The following DOCK11 variants were observed in gnomAD, a reference collection of about 807,000 sequenced individuals.
The protein encoded by DOCK11 is dedicator of cytokinesis 11.
DOCK11 carries 70 observed loss-of-function variants against 169.1 expected under a neutral mutation model. The observed-to-expected ratio is 0.41, with a 90% CI of 0.34 to 0.51. The LOEUF is 0.51. DOCK11 is among the 20% of genes least tolerant of loss of function. The pLI, the probability that DOCK11 is intolerant of heterozygous loss-of-function variation, is 0.10. For missense variants in DOCK11, 1,166 were observed against 1,538.8 expected (o/e 0.76, Z 4.05); for synonymous variants, 529 against 541.3 (o/e 0.98, Z 0.32).
rs768433392 is a variant in DOCK11 at position 118,675,919 on chromosome X, A to G, written c.5200-17A>G. ...TAAACAAAAAACAAAGCTGATTTGT[A>G]TATTTTTATTTTTCAGAAACTTACT... On this transcript the variant is annotated splice_polypyrimidine_tract_variant and intron_variant, in intron 46 of 52. Transcript: ENST00000276202. 57 of 993,510 alleles carry G rather than the reference A, an allele frequency of 5.7e-5. No individual in the cohort carries two copies. Among genetic ancestry groups the G allele is most frequent in the Middle Eastern group, 3.5e-4 (1 of 2,849 alleles). The allele number at this position is 993,510 out of a possible 1,213,427, so 81.9% of individuals were successfully genotyped here.
chrX:118,504,928 C>G (rs906213730), intron 1 of DOCK11, among the ~76,000 whole-genome samples: 1 of 112,715 alleles, frequency 8.9e-6, no homozygotes, highest in South Asian at 3.6e-4. Flanking sequence ...TGCCCAGGTT[C>G]AGAGTTCAGC....
chrX:118,547,854 TTTTTGAC>T (rs748016895), intron 6 of DOCK11, among the ~76,000 whole-genome samples: 33 of 112,156 alleles, frequency 2.9e-4, no homozygotes, highest in Non-Finnish European at 1.1e-4. Flanking sequence ...GGTTGTATCG[TTTTTGAC>T]TGCATTCCCT....
In DOCK11 at chrX:118,593,246, A is replaced by G; in HGVS notation, c.2172A>G (p.Gln724=). 8.3e-7 allele frequency: 1 copy of G among 1,205,432 alleles called. No individual in the cohort carries two copies. The highest frequency in any genetic ancestry group is 1.1e-6 in the Non-Finnish European group (1 of 892,674). Residue 724 remains glutamine (Q), a synonymous_variant, in exon 20 of 53, where the codon CAA becomes CAG. Coordinates refer to ENST00000276202, the MANE Select transcript of DOCK11 (RefSeq NM_144658.4). Reference sequence around the variant, plus strand: ...TTGAGCTTCCCATTCACCTACATCAAAAACATCATTTGCTTTTCACTTTTT... The same window carrying G: ...TTGAGCTTCCCATTCACCTACATCAGAAACATCATTTGCTTTTCACTTTTT... ...IKIELPIHLH[Q]KHHLLFTFYH...
intron 1 of DOCK11, among the ~76,000 whole-genome samples, chrX:118,521,589 G>A (rs1269747153): frequency 8.9e-6 from 1 of 112,368 alleles, no homozygotes; most frequent in African/African-American, 3.2e-5. Context: ...GAGGGAATGT[G>A]TTGTCATCTC....
At chrX:118,522,394 A>G (rs1217553882) in intron 1 of DOCK11, among the ~76,000 whole-genome samples, 1 of 111,996 alleles carries the variant, frequency 8.9e-6, no homozygotes, top group Non-Finnish European at 1.9e-5. Flanking sequence ...CTGTTGCTGC[A>G]TAGCAAATTA....
intron 46 of DOCK11, among the ~76,000 whole-genome samples, chrX:118,672,506 C>T (rs960097128): frequency 3.5e-4 from 40 of 112,905 alleles, no homozygotes; most frequent in African/African-American, 1.1e-3. Context: ...TATCTCGGCT[C>T]ACTGCAAGCT....
intron 1 of DOCK11, among the ~76,000 whole-genome samples, chrX:118,507,499 G>A (rs972640471): frequency 7.2e-5 from 8 of 110,577 alleles, no homozygotes; most frequent in African/African-American, 2.0e-4. Flanking sequence ...ACAGGCATCT[G>A]CCACCACGCC....
intron 37 of DOCK11, among the ~76,000 whole-genome samples, chrX:118,639,186 G>A (rs2015462070): frequency 9.0e-6 from 1 of 111,619 alleles, no homozygotes; most frequent in African/African-American, 3.3e-5. Context: ...TGGAGTGTTG[G>A]CCACTTATCT....
intron 40 of DOCK11, among the ~76,000 whole-genome samples, chrX:118,646,020 C>T (rs2015653308): frequency 2.1e-5 from 2 of 96,940 alleles, no homozygotes; most frequent in Non-Finnish European, 4.0e-5. Context: ...CGCGCCATTG[C>T]GCTCCAGCTT....
intron 34 of DOCK11, 79 bp downstream of exon 34, chrX:118,628,351 C>G: frequency 1.7e-6 from 1 of 590,901 alleles, no homozygotes; most frequent in Admixed American, 3.0e-5. Context: ...ATATGAGCAT[C>G]TGTACTCACC....
chrX:118,675,688 C>T (rs1045291637), intron 46 of DOCK11, among the ~76,000 whole-genome samples: 1 of 108,869 alleles, frequency 9.2e-6, no homozygotes, highest in African/African-American at 3.3e-5. Flanking sequence ...ACATGTATCC[C>T]CCCTTTTTTT....
Position 118,683,181 on chromosome X carries a change from C to T in DOCK11, c.6066C>T (p.Asp2022=). The T allele has an allele frequency of 8.3e-7, 1 of 1,210,722 alleles. No individual in the cohort carries two copies. Among genetic ancestry groups the T allele is most frequent in the Non-Finnish European group, 1.1e-6 (1 of 894,956 alleles). Residue 2022 remains aspartate, a synonymous_variant, in exon 52 of 53, where the codon GAC becomes GAT. Transcript: ENST00000276202. ...AAGGGCTAAAGTCAAATTTCAGAGA[C>T]ATGGTAAAAGAATTATCTGACATTA... ...YHEGLKSNFR[D]MVKELSDIIH...
chrX:118,645,459 C>A (rs1011539455), intron 40 of DOCK11, among the ~76,000 whole-genome samples: 2 of 109,086 alleles, frequency 1.8e-5, no homozygotes, highest in Admixed American at 9.8e-5. Flanking sequence ...TTTGGGAGGC[C>A]GAGGCGGGCA....
In DOCK11 at chrX:118,672,547, T is replaced by G. The variant is rs754854929; in HGVS notation, c.5199+1402T>G. On this transcript the variant is annotated intron_variant, in intron 46 of 52. Transcript: ENST00000276202. ...TCCCGGGTTCACGCCATTCTCCTGCTTCAGCCTCCTGAGTAGCTGGGATTA... is the reference window on the plus strand; with the variant it reads ...TCCCGGGTTCACGCCATTCTCCTGCGTCAGCCTCCTGAGTAGCTGGGATTA... Among the ~76,000 whole-genome samples the G allele has an allele frequency of 4.4e-5, 5 of 112,888 alleles. No individual in the cohort carries two copies. In the South Asian group the frequency reaches 1.8e-3, roughly 40 times the overall value.
chrX:118,597,612 T>C, intron 21 of DOCK11, 60 bp downstream of exon 21: 1 of 1,181,769 alleles, frequency 8.5e-7, no homozygotes, highest in Non-Finnish European at 1.1e-6. Context: ...AATAGAATTC[T>C]GTTGGTCTCG....
chrX:118,508,785 G>A (rs1200213994), intron 1 of DOCK11, among the ~76,000 whole-genome samples: 2 of 112,041 alleles, frequency 1.8e-5, no homozygotes, highest in African/African-American at 6.5e-5. Context: ...AAGGGAACTT[G>A]GCCTCCGTCT....
At chrX:118,679,836 A>G (rs2016696600) in intron 48 of DOCK11, among the ~76,000 whole-genome samples, 1 of 110,864 alleles carries the variant, frequency 9.0e-6, no homozygotes, top group South Asian at 3.8e-4. Context: ...AATTTTCTGA[A>G]TACATAGGCA....
chrX:118,569,603 C>A (rs2013210376), intron 10 of DOCK11: 1 of 111,302 alleles, frequency 9.0e-6, no homozygotes, highest in Non-Finnish European at 1.9e-5. Flanking sequence ...ATAAATAATG[C>A]AAACATTTTC....
chrX:118,556,476 C>T (rs766508901), intron 6 of DOCK11, among the ~76,000 whole-genome samples: 10 of 108,564 alleles, frequency 9.2e-5, no homozygotes, highest in South Asian at 4.1e-4. Flanking sequence ...TGGCCAGGCA[C>T]GGTAGCTCAC....
Sources: gnomAD v4.1 joint callset for allele counts (sites outside exome capture counted in the v4.1 genomes callset) on GRCh38, gnomAD v4.1.1 for gene constraint, MANE v1.5 for transcripts, NCBI Gene and HGNC (gene_info 2026-07-23, HGNC 2026-07-21) for gene names.